CCDC3: variants seen among roughly 807,000 people sequenced by gnomAD.
CCDC3 encodes the protein coiled-coil domain containing 3.
In CCDC3, 24 loss-of-function variants were observed where a neutral mutation model predicts 21.4. That is an observed-to-expected ratio of 1.12 (90% CI 0.81 to 1.58). The LOEUF (loss-of-function observed/expected upper bound fraction) is 1.58, where lower values mean the gene tolerates loss of function less well. Among genes scored for constraint, CCDC3 ranks in the 40% most tolerant of loss-of-function variants. The probability of loss-of-function intolerance (pLI) is 0.00; values close to 1 mark genes in which losing one functional copy is unlikely to be tolerated. For synonymous variants in CCDC3, 186 were observed against 166.0 expected, an observed-to-expected ratio of 1.12 and a Z score of -0.93; for missense variants, 425 against 360.9, an observed-to-expected ratio of 1.18 and a Z score of -1.44.
intron 5 of CCDC3, among the ~76,000 whole-genome samples, chr10:13,028,309 T>A (rs1004896130): frequency 6.6e-6 from 1 of 152,140 alleles, no homozygotes; most frequent in African/African-American, 2.4e-5. Flanking sequence ...CCCTTGCTCC[T>A]CCTTCACCTT....
At chr10:13,028,583 G>A (rs1836255801) in intron 5 of CCDC3, among the ~76,000 whole-genome samples, 1 of 152,076 alleles carries the variant, frequency 6.6e-6, no homozygotes, top group Admixed American at 6.6e-5. Context: ...ACAGATGACA[G>A]GGTTGAACAA....
chr10:12,961,545 A>G (rs1330523252), intron 2 of CCDC3, among the ~76,000 whole-genome samples: 1 of 152,210 alleles, frequency 6.6e-6, no homozygotes, highest in Non-Finnish European at 1.5e-5. Flanking sequence ...GGATTTTGGC[A>G]TAAACAATTT....
intron 2 of CCDC3, among the ~76,000 whole-genome samples, chr10:12,928,724 G>C (rs984484363): frequency 6.6e-6 from 1 of 152,222 alleles, no homozygotes; most frequent in African/African-American, 2.4e-5. Context: ...CCCCTGGTGG[G>C]GTAGGGTGGA....
intron 2 of CCDC3, among the ~76,000 whole-genome samples, chr10:12,938,710 G>T (rs542839741): frequency 1.4e-4 from 21 of 152,238 alleles, no homozygotes; most frequent in African/African-American, 5.1e-4. Flanking sequence ...CTTTCTGATT[G>T]CTCGTGCCTT....
chr10:13,041,660 G>A (rs1453927938), intron 5 of CCDC3, among the ~76,000 whole-genome samples: 1 of 151,778 alleles, frequency 6.6e-6, no homozygotes, highest in East Asian at 1.9e-4. Flanking sequence ...GAGTAGCTGG[G>A]ACTACAGGGG....
At chr10:12,980,320 G>A (rs1203250175) in intron 2 of CCDC3, among the ~76,000 whole-genome samples, 6 of 152,190 alleles carry the variant, frequency 3.9e-5, no homozygotes. Flanking sequence ...GTGTCCCTGA[G>A]GGTCTGTCCA....
intron 3 of CCDC3, among the ~76,000 whole-genome samples, chr10:13,085,398 C>G (rs1200471414): frequency 6.6e-6 from 1 of 152,224 alleles, no homozygotes; most frequent in African/African-American, 2.4e-5. Flanking sequence ...AACAACAATT[C>G]CACACCCTGT....
intron 4 of CCDC3, among the ~76,000 whole-genome samples, chr10:13,051,358 G>T (rs531294633): frequency 1.3e-5 from 2 of 152,312 alleles, no homozygotes; most frequent in Admixed American, 6.5e-5. Flanking sequence ...ATGGCAGGAA[G>T]ATTGAGGCTT....
chr10:12,929,381 G>T (rs1834603964), intron 2 of CCDC3, among the ~76,000 whole-genome samples: 1 of 152,110 alleles, frequency 6.6e-6, no homozygotes, highest in East Asian at 1.9e-4. Flanking sequence ...AGGTGCCAGG[G>T]CTGCATTCTC....
At chr10:13,058,499 T>C in intron 4 of CCDC3, 1 of 749,112 alleles carries the variant, frequency 1.3e-6, no homozygotes, top group Non-Finnish European at 2.4e-6. Flanking sequence ...TGACAAATGA[T>C]ATCTCTGTTC....
chr10:12,929,812 G>A (rs550206180), intron 2 of CCDC3, among the ~76,000 whole-genome samples: 95 of 152,230 alleles, frequency 6.2e-4, no homozygotes, highest in South Asian at 1.7e-3. Flanking sequence ...GCAATGGGGC[G>A]GGGGGATGAT....
chr10:12,909,223 A>T (rs151240179), intron 2 of CCDC3, among the ~76,000 whole-genome samples: 2 of 152,226 alleles, frequency 1.3e-5, no homozygotes, highest in South Asian at 2.1e-4. Context: ...TAAGGGCACT[A>T]CAGCCTGGCT....
chr10:12,899,221 G>A (rs965544457), intron 2 of CCDC3, among the ~76,000 whole-genome samples: 2 of 152,056 alleles, frequency 1.3e-5, no homozygotes, highest in Non-Finnish European at 2.9e-5. Flanking sequence ...GAAAGAAAAC[G>A]CCAGTATCTC....
At chr10:13,032,690 A>G (rs1017671837) in intron 5 of CCDC3, among the ~76,000 whole-genome samples, 22 of 152,302 alleles carry the variant, frequency 1.4e-4, no homozygotes, top group Admixed American at 1.4e-3. Flanking sequence ...ATTCCTATAC[A>G]CCAATAACAG....
At chr10:12,905,398 A>G (rs1378631171) in intron 2 of CCDC3, among the ~76,000 whole-genome samples, 1 of 152,238 alleles carries the variant, frequency 6.6e-6, no homozygotes, top group African/African-American at 2.4e-5. Context: ...AAGATGCTGA[A>G]TCTTAACCTC....
chr10:13,098,709 G>GTTTTTTTT (rs1564348313), intron 2 of CCDC3: 5 of 59,500 alleles, frequency 8.4e-5, no homozygotes, highest in East Asian at 6.1e-4. Flanking sequence ...TTCCTGCACT[G>GTTTTTTTT]ATTTTTTTTT....
intron 2 of CCDC3, among the ~76,000 whole-genome samples, chr10:12,968,206 C>T (rs1047335880): frequency 7.1e-6 from 1 of 141,802 alleles, no homozygotes; most frequent in African/African-American, 3.0e-5. Context: ...CACACATACA[C>T]ACACACACAC....
intron 3 of CCDC3, among the ~76,000 whole-genome samples, chr10:13,079,032 TC>T (rs942852456): frequency 1.4e-4 from 22 of 152,230 alleles, no homozygotes; most frequent in African/African-American, 5.3e-4. Flanking sequence ...AAAAATTGCT[TC>T]CCTTCTTTAT....
chr10:12,994,887 C>A (rs972652326), intron 2 of CCDC3, among the ~76,000 whole-genome samples: 4 of 152,042 alleles, frequency 2.6e-5, no homozygotes, highest in Non-Finnish European at 5.9e-5. Context: ...TCAAGACCAG[C>A]CAGGCCAACA....
Sources: allele counts gnomAD v4.1 joint callset (sites outside exome capture counted in the v4.1 genomes callset), GRCh38; gene constraint gnomAD v4.1.1; transcripts MANE v1.5; gene names NCBI Gene and HGNC (gene_info 2026-07-23, HGNC 2026-07-21).